DOC2B: variants seen among roughly 807,000 people sequenced by gnomAD.
The protein encoded by DOC2B is double C2 domain beta.
Under a neutral mutation model 28.9 loss-of-function variants are expected in DOC2B, and 21 were observed. The observed-to-expected ratio is 0.73, with a 90% confidence interval of 0.52 to 1.05. The LOEUF (loss-of-function observed/expected upper bound fraction) is 1.05. Ranked by LOEUF, DOC2B falls within the 50% of genes least tolerant of loss-of-function variation. The pLI is 0.00. For synonymous variants in DOC2B, 194 were observed against 178.1 expected (o/e 1.09, Z -0.71); for missense variants, 384 against 421.1 (o/e 0.91, Z 0.77).
At chr17:150,299 G>C (rs562410061) in intron 6 of DOC2B, among the ~76,000 whole-genome samples, 1 of 152,130 alleles carries the variant, frequency 6.6e-6, no homozygotes, top group Non-Finnish European at 1.5e-5. Flanking sequence ...TCTCACCCAC[G>C]ACCAACTCCC....
chr17:154,281 C>CTGA (rs1283760692), intron 6 of DOC2B, among the ~76,000 whole-genome samples: 20 of 151,232 alleles, frequency 1.3e-4, no homozygotes, highest in South Asian at 4.2e-4. Context: ...CTTCTTAGGG[C>CTGA]TGATATTCCA....
At chr17:159,902 C>T (rs1050395052) in intron 5 of DOC2B, among the ~76,000 whole-genome samples, 1 of 149,170 alleles carries the variant, frequency 6.7e-6, no homozygotes, top group Admixed American at 6.6e-5. Flanking sequence ...CGCTGACACC[C>T]CACGTACATA....
At chr17:170,888 G>C (rs112267132) in intron 2 of DOC2B, among the ~76,000 whole-genome samples, 10 of 24,116 alleles carry the variant, frequency 4.1e-4, no homozygotes, top group East Asian at 1.5e-3. Context: ...GGAGCACCAG[G>C]GGCCGGGCCA....
intron 1 of DOC2B, among the ~76,000 whole-genome samples, chr17:173,979 G>A (rs182582332): frequency 2.6e-5 from 4 of 152,232 alleles, no homozygotes; most frequent in Non-Finnish European, 4.4e-5. Flanking sequence ...GGCCTGCACA[G>A]CTGAAAATAT....
At chr17:154,428 A>G (rs7217332) in intron 6 of DOC2B, among the ~76,000 whole-genome samples, 646 of 81,586 alleles carry the variant, frequency 7.9e-3, no homozygotes, top group Middle Eastern at 0.042. Flanking sequence ...CCTTCTTATG[A>G]CTGATATTCC....
Position 144,943 on chromosome 17 carries a change from C to T in DOC2B, c.*2498G>A, listed in dbSNP as rs1217960606. 2.0e-5 allele frequency: 3 copies of T among 152,228 alleles called. No individual in the cohort carries two copies. The highest frequency in any genetic ancestry group is 6.5e-5 in the Admixed American group (1 of 15,288). The allele number at this position is 152,228 out of a possible 1,614,324, so 9.4% of individuals were successfully genotyped here. A position where few individuals can be genotyped will look rare whatever the true frequency, so the allele number is the denominator to read the frequency against. On this transcript the variant is annotated 3_prime_UTR_variant, in exon 9 of 9. Transcript: ENST00000613549. ...CTTCAGAGAGGCTGTCAAATCTCCT[C>T]TCTGAATGAGACCCCCAAAAAAGCA... is the stretch of plus-strand genomic sequence containing the variant.
chr17:156,487 T>TA, intron 5 of DOC2B, 110 bp from the exon 6 acceptor site: 1 of 1,236,210 alleles, frequency 8.1e-7, no homozygotes, highest in Non-Finnish European at 1.1e-6. Context: ...CCGGGCCTGG[T>TA]CACGGTCCCT....
chr17:169,946 G>T (rs577173672), intron 2 of DOC2B, among the ~76,000 whole-genome samples: 1 of 152,180 alleles, frequency 6.6e-6, no homozygotes. Flanking sequence ...GTGCACGCAC[G>T]GTACCACACA....
intron 1 of DOC2B, among the ~76,000 whole-genome samples, chr17:174,653 G>C (rs1214064434): frequency 2.0e-5 from 3 of 152,304 alleles, no homozygotes; most frequent in African/African-American, 7.2e-5. Context: ...GGTCCCGGGT[G>C]GCCCTCTTTT....
Position 181,022 on chromosome 17 carries a change from AC to A in DOC2B, c.373+84del. ...GGCAGAGCGCGAGCGCGCGAGGGGG[AC>A]CGGCGGAGGGAAGCCGCGAGGCCGT... On this transcript the variant is annotated intron_variant, in intron 1 of 8. Transcript: ENST00000613549. The surrounding 1 kb of genome is among the most constrained non-coding windows in gnomAD (Gnocchi z 7.0). 9.0e-7 allele frequency: 1 copy of A among 1,109,330 alleles called. No individual in the cohort carries two copies. Among genetic ancestry groups the A allele is most frequent in the Non-Finnish European group, 1.1e-6 (1 of 883,440 alleles). 68.7% of individuals were successfully genotyped at this position (1,109,330 alleles called of 1,614,324 possible).
chr17:145,023 C>T lies in DOC2B; in HGVS notation c.*2418G>A. ...GACACCAGGCCTTTTAGAAATAGACCACCTCTTACCTTAGGCCCCCAGAGG... is the reference window on the plus strand; with the variant it reads ...GACACCAGGCCTTTTAGAAATAGACTACCTCTTACCTTAGGCCCCCAGAGG... On this transcript the variant is annotated 3_prime_UTR_variant, in exon 9 of 9. Coordinates refer to ENST00000613549, the MANE Select transcript of DOC2B (RefSeq NM_003585.5). The T allele has an allele frequency of 6.6e-6, 1 of 152,250 alleles. No individual in the cohort carries two copies. Among genetic ancestry groups the T allele is most frequent in the Middle Eastern group, 3.4e-3 (1 of 294 alleles). The allele number at this position is 152,250 out of a possible 1,614,324, so 9.4% of individuals were successfully genotyped here. A position where few individuals can be genotyped will look rare whatever the true frequency, so the allele number is the denominator to read the frequency against.
chr17:148,294 G>T (rs1017262885), intron 7 of DOC2B, 25 bp from the exon 8 acceptor site: 3 of 398,712 alleles, frequency 7.5e-6, no homozygotes, highest in African/African-American at 6.2e-5. Flanking sequence ...GGAGTGTTAG[G>T]GCTGATGCCT....
At position 149,016 on chromosome 17, in the gene DOC2B, C is replaced by G. The variant is rs1006201089; in HGVS notation, c.1005+95G>C. The G allele has an allele frequency of 1.8e-3, 733 of 396,886 alleles. 1 individual carries two copies. Among genetic ancestry groups the G allele is most frequent in the Non-Finnish European group, 2.9e-3 (650 of 225,194 alleles). The allele number at this position is 396,886 out of a possible 1,614,324, so 24.6% of individuals were successfully genotyped here. A position where few individuals can be genotyped will look rare whatever the true frequency, so the allele number is the denominator to read the frequency against. Reference sequence around the variant, plus strand: ...CCTCCCCACCGTCTCTGACCACCCTCCCCATCCCGCCATGACCTTTTGAAA... The same window carrying G: ...CCTCCCCACCGTCTCTGACCACCCTGCCCATCCCGCCATGACCTTTTGAAA... On this transcript the variant is annotated intron_variant, in intron 7 of 8. Coordinates refer to ENST00000613549, the MANE Select transcript of DOC2B (RefSeq NM_003585.5).
intron 1 of DOC2B, among the ~76,000 whole-genome samples, chr17:178,569 C>T (rs1302216692): frequency 1.3e-5 from 2 of 152,188 alleles, no homozygotes; most frequent in Admixed American, 6.5e-5. Flanking sequence ...CTGGCAGGGC[C>T]GACACTGGGT....
At chr17:160,464 C>A (rs2151465452) in intron 5 of DOC2B, among the ~76,000 whole-genome samples, 1 of 152,338 alleles carries the variant, frequency 6.6e-6, no homozygotes, top group East Asian at 1.9e-4. Context: ...TTGACTTGGG[C>A]TAAGCTCGAG....
intron 5 of DOC2B, among the ~76,000 whole-genome samples, chr17:158,291 C>G (rs1399684244): frequency 6.6e-6 from 1 of 152,086 alleles, no homozygotes; most frequent in African/African-American, 2.4e-5. Flanking sequence ...CAGCTTGAGC[C>G]CACCCACACA....
intron 6 of DOC2B, among the ~76,000 whole-genome samples, chr17:151,727 G>A (rs1555521838): frequency 6.6e-6 from 1 of 152,204 alleles, no homozygotes; most frequent in East Asian, 1.9e-4. Context: ...GAAGGGTCCT[G>A]CGTGCCCTGC....
intron 3 of DOC2B, among the ~76,000 whole-genome samples, chr17:163,274 T>A (rs1353051958): frequency 6.6e-6 from 1 of 152,086 alleles, no homozygotes; most frequent in Admixed American, 6.5e-5. Context: ...CATAAGGGCA[T>A]CAAGACCCTG....
rs755599735 is a variant in DOC2B, at chr17:161,526, G to C, written c.654C>G (p.Asp218Glu). ...IRKTLRISVC[D>E]EDKFRHNEFI... Reference sequence around the variant, plus strand: ...ACTCATTGTGCCGGAATTTGTCCTCGTCACACACAGAGATCCTAGAGGGGG... The same window carrying C: ...ACTCATTGTGCCGGAATTTGTCCTCCTCACACACAGAGATCCTAGAGGGGG... Residue 218 changes from aspartate (D) to glutamate (E), a missense_variant, in exon 5 of 9, where the codon GAC becomes GAG. Asp to Glu is a conservative substitution (Grantham distance 45). Coordinates refer to ENST00000613549, the MANE Select transcript of DOC2B (RefSeq NM_003585.5). The C allele has an allele frequency of 4.5e-6, 7 of 1,551,702 alleles. No individual in the cohort carries two copies. Among genetic ancestry groups the C allele is most frequent in the East Asian group, 2.4e-5 (1 of 40,914 alleles).
Sources: allele counts gnomAD v4.1 joint callset (sites outside exome capture counted in the v4.1 genomes callset), GRCh38; gene constraint gnomAD v4.1.1; non-coding constraint Gnocchi (gnomAD v3.1); transcripts MANE v1.5; gene names NCBI Gene and HGNC (gene_info 2026-07-23, HGNC 2026-07-21).